NEK9: variants seen among roughly 807,000 people sequenced by gnomAD.
NEK9 encodes the protein serine/threonine-protein kinase Nek9.
NEK9 carries 75 observed loss-of-function variants against 123.4 expected under a neutral mutation model. The observed-to-expected ratio is 0.61, with a 90% CI of 0.50 to 0.74. The LOEUF is 0.74. NEK9 is among the 30% of genes least tolerant of loss of function. NEK9 has a pLI of 0.00. For missense variants in NEK9, 952 were observed against 1,214.4 expected, an observed-to-expected ratio of 0.78 and a Z score of 3.21; for synonymous variants, 438 against 458.7, an observed-to-expected ratio of 0.95 and a Z score of 0.58.
chr14:75,112,577 A>T (rs1413200795), intron 8 of NEK9, among the ~76,000 whole-genome samples: 1 of 152,144 alleles, frequency 6.6e-6, no homozygotes, highest in East Asian at 1.9e-4. Context: ...TAATCCCAAC[A>T]CTTTGGGAGG....
At chr14:75,099,370 G>A (rs1304175551) in intron 16 of NEK9, among the ~76,000 whole-genome samples, 1 of 151,862 alleles carries the variant, frequency 6.6e-6, no homozygotes, top group African/African-American at 2.4e-5. Flanking sequence ...TACCAGTCAA[G>A]TGAAAAAAGT....
intron 14 of NEK9, among the ~76,000 whole-genome samples, chr14:75,102,935 T>C (rs1290480216): frequency 6.6e-6 from 1 of 151,892 alleles, no homozygotes; most frequent in Non-Finnish European, 1.5e-5. Flanking sequence ...CAGTAAACTA[T>C]TGCAAGGACA....
intron 17 of NEK9, among the ~76,000 whole-genome samples, chr14:75,095,908 G>T (rs1377909161): frequency 1.1e-4 from 16 of 152,112 alleles, no homozygotes; most frequent in Admixed American, 9.8e-4. Flanking sequence ...AAAAAAGGAA[G>T]TAACATTGCA....
Position 75,095,397 on chromosome 14 carries a change from A to G in NEK9, c.2208T>C (p.Asn736=), listed in dbSNP as rs370465732. The stretch of plus-strand genomic sequence containing the variant: ...CAGTTCCAATGGATAAGCCACTGCT[A>G]TTGGAACGGATGGTCTTAGAATTCA... ...KVLNSKTIRS[N]SSGLSIGTVF... is the part of the protein sequence containing the mutation. The change falls in exon 18 of 22, where the codon AAT becomes AAC. Residue 736 remains asparagine, a synonymous_variant. Transcript: ENST00000238616. 1.9e-6 allele frequency: 3 copies of G among 1,613,458 alleles called. No homozygotes were observed. The highest frequency in any genetic ancestry group is 2.7e-5 in the African/African-American group (2 of 75,020).
chr14:75,121,542 T>G (rs1402315132), intron 2 of NEK9, among the ~76,000 whole-genome samples: 1 of 152,244 alleles, frequency 6.6e-6, no homozygotes, highest in Non-Finnish European at 1.5e-5. Context: ...CTCTCCCAGT[T>G]GTGACTACTA....
rs1893959586 is a variant in NEK9, at chr14:75,084,570, G to A, written c.2934C>T (p.Ser978=). Residue 978 remains serine (S), a synonymous_variant, in exon 22 of 22, where the codon AGC becomes AGT. Coordinates refer to ENST00000238616, the MANE Select transcript of NEK9 (RefSeq NM_033116.6). ...GCTCTACAGGCTCAGGAGACTAGAG[G>A]CTGGGTCTACAGGAGTCTGTTCCCA... is the stretch of plus-strand genomic sequence containing the variant. ...CLLGTDSCRP[S]L is the part of the protein sequence containing the mutation. The A allele has an allele frequency of 1.2e-6, 2 of 1,614,126 alleles. No homozygotes were observed. The highest frequency in any genetic ancestry group is 2.2e-5 in the East Asian group (1 of 44,880).
intron 21 of NEK9, among the ~76,000 whole-genome samples, chr14:75,085,281 G>A (rs942316838): frequency 9.9e-5 from 15 of 152,178 alleles, no homozygotes; most frequent in African/African-American, 3.4e-4. Flanking sequence ...GTGAGCCACC[G>A]TGCTCAGCCT....
intron 18 of NEK9, 104 bp from the exon 19 acceptor site, chr14:75,091,582 G>T: frequency 1.1e-6 from 1 of 942,788 alleles, no homozygotes; most frequent in Non-Finnish European, 1.5e-6. Context: ...TAAGCTGCAT[G>T]AAGTGCAATG....
chr14:75,086,981 A>G, intron 21 of NEK9, 37 bp downstream of exon 21: 1 of 1,578,386 alleles, frequency 6.3e-7, no homozygotes, highest in Non-Finnish European at 8.7e-7. Flanking sequence ...TCTTCAAAAC[A>G]GGCTTAGAAA....
At chr14:75,115,936 A>AT (rs1386000598) in intron 6 of NEK9, among the ~76,000 whole-genome samples, 1 of 152,194 alleles carries the variant, frequency 6.6e-6, no homozygotes, top group Non-Finnish European at 1.5e-5. Context: ...ATCTTTATTT[A>AT]TTTTTTAACA....
chr14:75,121,962 T>C (rs2139808547), intron 2 of NEK9, among the ~76,000 whole-genome samples: 1 of 152,348 alleles, frequency 6.6e-6, no homozygotes, highest in East Asian at 1.9e-4. Context: ...CACCGAAATA[T>C]TTCCCAAAAT....
chr14:75,092,273 T>A (rs1894243654), intron 18 of NEK9, among the ~76,000 whole-genome samples: 1 of 32,402 alleles, frequency 3.1e-5, no homozygotes, highest in Non-Finnish European at 7.1e-5. Context: ...CACCCAGCAA[T>A]TTTTTTTTTT....
chr14:75,124,583 G>C (rs1364094245), intron 1 of NEK9, among the ~76,000 whole-genome samples: 1 of 152,082 alleles, frequency 6.6e-6, no homozygotes, highest in Non-Finnish European at 1.5e-5. Context: ...GCAGAGAACT[G>C]GGGAGCAATT....
At position 75,084,404 on chromosome 14, in the gene NEK9, T is replaced by C; in HGVS notation, c.*160A>G. 1.2e-6 allele frequency: 1 copy of C among 801,908 alleles called. No homozygotes were observed. Among genetic ancestry groups the C allele is most frequent in the East Asian group, 2.5e-5 (1 of 39,826 alleles). 49.7% of individuals were successfully genotyped at this position (801,908 alleles called of 1,614,324 possible). A position where few individuals can be genotyped will look rare whatever the true frequency, so the allele number is the denominator to read the frequency against. ...CTCCTAGATCCTATCTAAAAGGCAA[T>C]GCCACTCTCCAAATGTACAAGGAAA... On this transcript the variant is annotated 3_prime_UTR_variant, in exon 22 of 22. Coordinates refer to ENST00000238616, the MANE Select transcript of NEK9 (RefSeq NM_033116.6).
At chr14:75,086,914 G>A in intron 21 of NEK9, 104 bp downstream of exon 21, 2 of 1,219,614 alleles carry the variant, frequency 1.6e-6, no homozygotes, top group South Asian at 1.3e-5. Flanking sequence ...CAAAAAAAAA[G>A]TAAGGACCTG....
At chr14:75,124,763 G>A (rs184960294) in intron 1 of NEK9, among the ~76,000 whole-genome samples, 211 of 146,770 alleles carry the variant, frequency 1.4e-3, no homozygotes, top group African/African-American at 5.1e-3. Context: ...TGTAGCTCCT[G>A]ATGTCTACTA....
intron 14 of NEK9, 131 bp downstream of exon 14, chr14:75,103,711 C>T (rs1030027350): frequency 4.8e-5 from 47 of 979,166 alleles, no homozygotes; most frequent in Admixed American, 1.7e-4. Flanking sequence ...GCTTCTTTTT[C>T]TGCACACAAT....
intron 14 of NEK9, 62 bp downstream of exon 14, chr14:75,103,780 A>G: frequency 6.5e-7 from 1 of 1,530,644 alleles, no homozygotes; most frequent in Non-Finnish European, 8.9e-7. Context: ...ATGGCATCTC[A>G]AAGAAATTCC....
In NEK9 at chr14:75,106,639, G is replaced by A; in HGVS notation, c.1391C>T (p.Ala464Val). ...CATGGGTTCTAGCACTTCAGGGCCA[G>A]CAACTTTGTCCACCCCCATGCAGCC... ...YYGCMGVDKV[A>V]GPEVLEPMQL... Residue 464 changes from alanine (A) to valine (V), a missense_variant, in exon 12 of 22, where the codon GCT becomes GTT. By Grantham distance (64) the Ala-to-Val change is moderately conservative. This residue lies in a region of NEK9 where 698 missense variants were observed against 875.6 expected (regional missense o/e 0.80). Coordinates refer to ENST00000238616, the MANE Select transcript of NEK9 (RefSeq NM_033116.6). The A allele has an allele frequency of 6.2e-7, 1 of 1,614,052 alleles. No individual in the cohort carries two copies. The highest frequency in any genetic ancestry group is 8.5e-7 in the Non-Finnish European group (1 of 1,180,018).
Sources: allele counts gnomAD v4.1 joint callset (sites outside exome capture counted in the v4.1 genomes callset), GRCh38; gene constraint gnomAD v4.1.1; regional missense constraint gnomAD v4.1.1; transcripts MANE v1.5; gene names NCBI Gene and HGNC (gene_info 2026-07-23, HGNC 2026-07-21).